Variants in PJA2 observed in about 807,000 individuals in gnomAD.
PJA2 encodes the protein E3 ubiquitin-protein ligase Praja-2.
In PJA2, 25 loss-of-function variants were observed where a neutral mutation model predicts 69.3. The observed-to-expected ratio is 0.36, with a 90% CI of 0.26 to 0.50. The LOEUF (loss-of-function observed/expected upper bound fraction) is 0.50. Among genes scored for constraint, PJA2 ranks in the 20% least tolerant of loss-of-function variants. The pLI, the probability that PJA2 is intolerant of heterozygous loss-of-function variation, is 0.96. For missense variants in PJA2, 809 were observed against 830.2 expected (o/e 0.97, Z 0.31); for synonymous variants, 308 against 277.8 (o/e 1.11, Z -1.08).
At chr5:109,341,973 G>A (rs1251825791) in intron 9 of PJA2, among the ~76,000 whole-genome samples, 8 of 128,504 alleles carry the variant, frequency 6.2e-5, no homozygotes, top group East Asian at 2.4e-4. Context: ...CCCTCTGCCC[G>A]GCCAGCCGCC....
rs369085418 is a variant in PJA2, at chr5:109,356,003, C to G, written c.1676G>C (p.Gly559Ala). The change falls in exon 7 of 10, where the codon GGA (glycine) becomes GCA (alanine). Residue 559 changes from glycine to alanine, a missense_variant. Physicochemically the swap from Gly to Ala is moderately conservative, Grantham distance 60. Coordinates refer to ENST00000361189, the MANE Select transcript of PJA2 (RefSeq NM_014819.5). ...TGAAATAGCTTCAGCAACTCCTAGTCCATCTGCAAAGCCATCAAATAGGCT... is the reference window on the plus strand; with the variant it reads ...TGAAATAGCTTCAGCAACTCCTAGTGCATCTGCAAAGCCATCAAATAGGCT... ...DWSLFDGFAD[G>A]LGVAEAISYV... The G allele has an allele frequency of 3.1e-6, 5 of 1,612,556 alleles. No individual in the cohort carries two copies. The highest frequency in any genetic ancestry group is 4.2e-6 in the Non-Finnish European group (5 of 1,179,616).
At chr5:109,391,790 A>C (rs1265127744) in intron 1 of PJA2, among the ~76,000 whole-genome samples, 1 of 152,214 alleles carries the variant, frequency 6.6e-6, no homozygotes, top group Non-Finnish European at 1.5e-5. Flanking sequence ...AAGTCAATAT[A>C]AAAATGTATT....
chr5:109,338,403 T>C (rs113199826), intron 9 of PJA2, among the ~76,000 whole-genome samples: 2 of 151,764 alleles, frequency 1.3e-5, no homozygotes, highest in East Asian at 3.9e-4. Flanking sequence ...ACTTTGGGAG[T>C]CCGAGGTGGA....
intron 1 of PJA2, among the ~76,000 whole-genome samples, chr5:109,388,019 G>C (rs1027105246): frequency 1.3e-5 from 2 of 152,216 alleles, no homozygotes; most frequent in Non-Finnish European, 2.9e-5. Flanking sequence ...ATTTAGGCAA[G>C]TTAATAAACT....
At chr5:109,387,745 G>T (rs893064895) in intron 1 of PJA2, among the ~76,000 whole-genome samples, 4 of 152,132 alleles carry the variant, frequency 2.6e-5, no homozygotes, top group Admixed American at 6.6e-5. Flanking sequence ...CAGACAATAG[G>T]AATCATCTTT....
intron 1 of PJA2, among the ~76,000 whole-genome samples, chr5:109,385,303 G>C (rs1181481528): frequency 6.6e-6 from 1 of 152,154 alleles, no homozygotes; most frequent in Non-Finnish European, 1.5e-5. Context: ...TAGTGGTTTG[G>C]ACCAGGGTTA....
rs1762524601 is a variant in PJA2 at position 109,362,910 on chromosome 5, A to G, written c.1582T>C (p.Phe528Leu). The change falls in exon 6 of 10, where the codon TTC becomes CTC. Residue 528 changes from phenylalanine (F) to leucine (L), a missense_variant. Coordinates refer to ENST00000361189, the MANE Select transcript of PJA2 (RefSeq NM_014819.5). The part of the protein sequence containing the change: ...EPANEFAQPA[F>L]MLDGNNNLED... ...AGGTTATTGTTACCATCCAACATGA[A>G]AGCTGGCTGTGCAAATTCATTGGCA... 7 of 1,613,572 alleles carry G rather than the reference A, an allele frequency of 4.3e-6. No individual in the cohort carries two copies. The highest frequency in any genetic ancestry group is 5.1e-6 in the Non-Finnish European group (6 of 1,179,752).
intron 4 of PJA2, among the ~76,000 whole-genome samples, chr5:109,369,863 T>C (rs1383082985): frequency 2.6e-5 from 4 of 152,030 alleles, no homozygotes; most frequent in Admixed American, 2.0e-4. Flanking sequence ...AGAAACTCCA[T>C]CTCTACTAAA....
At chr5:109,394,097 G>T (rs1435374510) in intron 1 of PJA2, among the ~76,000 whole-genome samples, 1 of 138,936 alleles carries the variant, frequency 7.2e-6, no homozygotes, top group African/African-American at 2.7e-5. Context: ...GCCCAAGCTG[G>T]TGTGCAGTAG....
chr5:109,409,149 A>G (rs902457090), intron 1 of PJA2: 2 of 152,182 alleles, frequency 1.3e-5, no homozygotes, highest in African/African-American at 4.8e-5. Context: ...ATTACCAGTC[A>G]TCTGAGGGAG....
chr5:109,373,886 T>C (rs115284073), intron 4 of PJA2, among the ~76,000 whole-genome samples: 462 of 152,312 alleles, frequency 3.0e-3, no homozygotes, highest in Non-Finnish European at 5.3e-3. Context: ...AGAAATAAGC[T>C]ATGGAAACAT....
intron 1 of PJA2, among the ~76,000 whole-genome samples, chr5:109,388,108 A>C (rs75424128): frequency 0.012 from 1,773 of 152,232 alleles, 35 homozygotes; most frequent in African/African-American, 0.04. Flanking sequence ...TGTGATGTGC[A>C]AGAATAGGGT....
intron 1 of PJA2, among the ~76,000 whole-genome samples, chr5:109,403,529 G>T (rs1747610704): frequency 6.8e-6 from 1 of 147,678 alleles, no homozygotes; most frequent in African/African-American, 2.5e-5. Flanking sequence ...AGCATTATAT[G>T]AAAAAGTATC....
chr5:109,395,503 G>C (rs1747386796), intron 1 of PJA2, among the ~76,000 whole-genome samples: 1 of 152,080 alleles, frequency 6.6e-6, no homozygotes. Context: ...CTCCAGCCTG[G>C]GTGACAGAGT....
rs1006192231 is a variant in PJA2, at chr5:109,369,018, C to G, written c.1284-272G>C. 5.3e-5 allele frequency among the ~76,000 whole-genome samples: 8 copies of G among 152,178 alleles called. No homozygotes were observed. The East Asian group carries it at 9.7e-4, about 18-fold the overall frequency. ...TTTAAAAGTGTGTGGCACCTCCCCCCTCATTCTTTCTTACACCTGCTCCTG... is the reference window on the plus strand; with the variant it reads ...TTTAAAAGTGTGTGGCACCTCCCCCGTCATTCTTTCTTACACCTGCTCCTG... On this transcript the variant is annotated intron_variant, in intron 4 of 9. Coordinates refer to ENST00000361189, the MANE Select transcript of PJA2 (RefSeq NM_014819.5).
intron 1 of PJA2, among the ~76,000 whole-genome samples, chr5:109,396,422 C>CTTTT (rs35744917): frequency 1.2e-4 from 10 of 85,256 alleles, no homozygotes; most frequent in East Asian, 3.0e-4. Context: ...ATGTAAAGTT[C>CTTTT]TTTTTTTTTT....
chr5:109,372,923 A>AAAAAG lies in PJA2; in HGVS notation c.1284-4178_1284-4177insCTTTT, dbSNP rs1272538036. On this transcript the variant is annotated intron_variant, in intron 4 of 9. Coordinates refer to ENST00000361189, the MANE Select transcript of PJA2 (RefSeq NM_014819.5). ...TCCGTCTCAAAAAAAAAAAAAAAAA[A>AAAAAG]AAAGAAAGAAAGAAAAAAAAATTAG... Among the ~76,000 whole-genome samples the AAAAAG allele has an allele frequency of 2.7e-4, 37 of 136,882 alleles. 1 individual carries two copies. The highest frequency in any genetic ancestry group is 8.3e-4 in the African/African-American group (30 of 36,136). 89.8% of individuals were successfully genotyped at this position (136,882 alleles called of 152,430 possible).
rs180934886 is a variant in PJA2 at position 109,381,939 on chromosome 5, A to T, written c.32-236T>A. 1.1e-3 allele frequency among the ~76,000 whole-genome samples: 167 copies of T among 152,262 alleles called. 3 individuals carry two copies. The East Asian group carries it at 0.027, about 25-fold the overall frequency. On this transcript the variant is annotated intron_variant, in intron 2 of 9. Coordinates refer to ENST00000361189, the MANE Select transcript of PJA2 (RefSeq NM_014819.5). ...TTCCCTTCAAAAAATATGTTTTAAA[A>T]TTTGGTTTCTTTAAGGTATTTCAGA...
chr5:109,339,793 T>C (rs1762010870), intron 9 of PJA2, among the ~76,000 whole-genome samples: 1 of 152,238 alleles, frequency 6.6e-6, no homozygotes, highest in Non-Finnish European at 1.5e-5. Context: ...AAATTCATCA[T>C]GGATTACCTA....
Sources: gnomAD v4.1 joint callset for allele counts (sites outside exome capture counted in the v4.1 genomes callset) on GRCh38, gnomAD v4.1.1 for gene constraint, MANE v1.5 for transcripts, NCBI Gene and HGNC (gene_info 2026-07-23, HGNC 2026-07-21) for gene names.